The following CREB5 variants were observed in gnomAD, a reference collection of about 807,000 sequenced individuals.
The protein encoded by CREB5 is cyclic AMP-responsive element-binding protein 5.
A neutral mutation model predicts 57.1 loss-of-function variants in CREB5; 19 were observed. The observed-to-expected ratio is 0.33, with a 90% CI of 0.23 to 0.49. CREB5 has a LOEUF of 0.49. Ranked by LOEUF, CREB5 falls within the 20% of genes least tolerant of loss-of-function variation. CREB5 has a pLI of 0.99. For missense variants in CREB5, 579 were observed against 671.6 expected (o/e 0.86, Z 1.52); for synonymous variants, 238 against 238.3 (o/e 1.00, Z 0.01).
intron 1 of CREB5, among the ~76,000 whole-genome samples, chr7:28,391,544 G>A (rs1787216072): frequency 6.6e-6 from 1 of 152,320 alleles, no homozygotes; most frequent in South Asian, 2.1e-4. Context: ...GGCCATTGAA[G>A]AATTGCTCTG....
chr7:28,775,917 G>C (rs1010177910), intron 7 of CREB5, among the ~76,000 whole-genome samples: 1 of 152,118 alleles, frequency 6.6e-6, no homozygotes, highest in African/African-American at 2.4e-5. Context: ...GCTTGCAAGA[G>C]AGCCAGAAAA....
intron 1 of CREB5, among the ~76,000 whole-genome samples, chr7:28,413,308 T>TA (rs531490106): frequency 6.3e-4 from 95 of 150,738 alleles, no homozygotes; most frequent in South Asian, 1.5e-3. Context: ...ACCTAAAAAT[T>TA]AAAAAAAAAC....
At chr7:28,811,043 T>A (rs1353436971) in intron 9 of CREB5, among the ~76,000 whole-genome samples, 1 of 152,194 alleles carries the variant, frequency 6.6e-6, no homozygotes, top group Non-Finnish European at 1.5e-5. Context: ...CACTAACTTG[T>A]ATGCCGCGGG....
chr7:28,650,226 T>G (rs1385144658), intron 5 of CREB5, among the ~76,000 whole-genome samples: 1 of 152,232 alleles, frequency 6.6e-6, no homozygotes, highest in Non-Finnish European at 1.5e-5. Flanking sequence ...TTGTGTCAGG[T>G]GCTGACTTGG....
At chr7:28,572,154 C>T (rs1030116497) in intron 5 of CREB5, among the ~76,000 whole-genome samples, 6 of 152,258 alleles carry the variant, frequency 3.9e-5, no homozygotes, top group Admixed American at 6.5e-5. Flanking sequence ...GGCTGTGATA[C>T]GTTAAGACCC....
At chr7:28,462,591 G>T (rs1790394580) in intron 1 of CREB5, among the ~76,000 whole-genome samples, 1 of 152,100 alleles carries the variant, frequency 6.6e-6, no homozygotes, top group African/African-American at 2.4e-5. Context: ...ACTTTCCGGG[G>T]TCATTTTGAT....
intron 5 of CREB5, among the ~76,000 whole-genome samples, chr7:28,647,328 C>T (rs1041440140): frequency 1.3e-5 from 2 of 151,942 alleles, no homozygotes; most frequent in South Asian, 2.1e-4. Context: ...TCCAATTGAC[C>T]AAGCCTGCAT....
chr7:28,590,391 A>C (rs984225951), intron 5 of CREB5, among the ~76,000 whole-genome samples: 7 of 151,864 alleles, frequency 4.6e-5, no homozygotes, highest in Non-Finnish European at 7.4e-5. Flanking sequence ...ACATGGATGA[A>C]GCTGGAAACC....
At chr7:28,604,516 C>G (rs1300855530) in intron 5 of CREB5, among the ~76,000 whole-genome samples, 5 of 152,054 alleles carry the variant, frequency 3.3e-5, no homozygotes, top group Non-Finnish European at 5.9e-5. Flanking sequence ...TTAACCTACT[C>G]CTTGCTTCTT....
At chr7:28,372,791 A>G (rs1021245784) in intron 1 of CREB5, among the ~76,000 whole-genome samples, 1 of 152,216 alleles carries the variant, frequency 6.6e-6, no homozygotes, top group Non-Finnish European at 1.5e-5. Flanking sequence ...TTTGTGGAAT[A>G]AATGACTTTC....
At chr7:28,445,393 T>C (rs887319050) in intron 1 of CREB5, among the ~76,000 whole-genome samples, 1 of 152,162 alleles carries the variant, frequency 6.6e-6, no homozygotes, top group African/African-American at 2.4e-5. Context: ...AGGCTCTGCC[T>C]ATCAGGTTCT....
intron 7 of CREB5, among the ~76,000 whole-genome samples, chr7:28,742,092 A>G (rs1804389581): frequency 6.7e-6 from 1 of 148,358 alleles, no homozygotes; most frequent in Admixed American, 6.7e-5. Flanking sequence ...AAAAATCCAT[A>G]GTGTGGTGTT....
At chr7:28,306,850 C>T (rs1393161788) in intron 1 of CREB5, among the ~76,000 whole-genome samples, 4 of 151,978 alleles carry the variant, frequency 2.6e-5, no homozygotes, top group South Asian at 4.2e-4. Context: ...CGTGAGCCAC[C>T]GCGCCCGGCC....
chr7:28,437,060 A>G (rs972618620), intron 1 of CREB5, among the ~76,000 whole-genome samples: 1 of 152,144 alleles, frequency 6.6e-6, no homozygotes, highest in Non-Finnish European at 1.5e-5. Context: ...CTTTGACTGC[A>G]TCCCTTAGAG....
At chr7:28,593,025 C>T (rs886695081) in intron 5 of CREB5, among the ~76,000 whole-genome samples, 15 of 152,150 alleles carry the variant, frequency 9.9e-5, no homozygotes, top group African/African-American at 3.4e-4. Context: ...CACAGCATAT[C>T]GCTCTAGCAG....
chr7:28,401,593 T>A (rs1477536146), intron 1 of CREB5, among the ~76,000 whole-genome samples: 2 of 152,072 alleles, frequency 1.3e-5, no homozygotes, highest in African/African-American at 4.8e-5. Context: ...CCCCGGTGTG[T>A]GATGTTCCCC....
At chr7:28,352,066 A>G (rs968860469) in intron 1 of CREB5, among the ~76,000 whole-genome samples, 2 of 152,232 alleles carry the variant, frequency 1.3e-5, no homozygotes, top group Non-Finnish European at 2.9e-5. Flanking sequence ...ATATTCTGTT[A>G]TCATTTGAAG....
At chr7:28,633,773 A>T (rs1798298347) in intron 5 of CREB5, among the ~76,000 whole-genome samples, 1 of 152,198 alleles carries the variant, frequency 6.6e-6, no homozygotes, top group South Asian at 2.1e-4. Flanking sequence ...AAAGACATAA[A>T]GACAGAGGTA....
At chr7:28,745,007 T>C (rs1804612669) in intron 7 of CREB5, among the ~76,000 whole-genome samples, 1 of 152,160 alleles carries the variant, frequency 6.6e-6, no homozygotes, top group South Asian at 2.1e-4. Context: ...GTGCCCAGGG[T>C]ACAAATATAG....
Sources: allele counts gnomAD v4.1 joint callset (sites outside exome capture counted in the v4.1 genomes callset), GRCh38; gene constraint gnomAD v4.1.1; transcripts MANE v1.5; gene names NCBI Gene and HGNC (gene_info 2026-07-23, HGNC 2026-07-21).